The following NSUN3 variants were observed in gnomAD, a reference collection of about 807,000 sequenced individuals.
NSUN3 encodes NOP2/Sun RNA methyltransferase 3, also known as tRNA (cytosine(34)-C(5))-methyltransferase, mitochondrial.
A neutral mutation model predicts 36.8 loss-of-function variants in NSUN3; 24 were observed. The observed-to-expected ratio is 0.65, with a 90% CI of 0.47 to 0.92. NSUN3 has a LOEUF of 0.92. Among genes scored for constraint, NSUN3 ranks in the 40% least tolerant of loss-of-function variants. The pLI, the probability that NSUN3 is intolerant of heterozygous loss-of-function variation, is 0.00. For missense variants in NSUN3, 381 were observed against 392.8 expected (o/e 0.97, Z 0.25); for synonymous variants, 146 against 145.2 (o/e 1.01, Z -0.04).
At chr3:94,106,291 G>T (rs2107263979) in intron 5 of NSUN3, among the ~76,000 whole-genome samples, 1 of 152,242 alleles carries the variant, frequency 6.6e-6, no homozygotes, top group East Asian at 1.9e-4. Context: ...TCAGTGGAAA[G>T]AAGATAATTA....
chr3:94,114,225 C>T, intron 5 of NSUN3, among the ~76,000 whole-genome samples: 1 of 152,168 alleles, frequency 6.6e-6, no homozygotes, highest in South Asian at 2.1e-4. Context: ...TTTTAGCAGT[C>T]ATAGTATTTG....
chr3:94,082,959 C>T (rs2077276229), intron 2 of NSUN3, among the ~76,000 whole-genome samples: 1 of 152,164 alleles, frequency 6.6e-6, no homozygotes, highest in South Asian at 2.1e-4. Context: ...CACTCATTCC[C>T]TCTAACACCC....
intron 3 of NSUN3, among the ~76,000 whole-genome samples, 185 bp from the exon 4 acceptor site, chr3:94,093,955 A>C (rs547637014): frequency 6.6e-6 from 1 of 152,242 alleles, no homozygotes; most frequent in East Asian, 1.9e-4. Context: ...ATGTGCATCT[A>C]TATATACATA....
At chr3:94,066,684 A>G (rs763671191) in intron 2 of NSUN3, among the ~76,000 whole-genome samples, 1 of 152,102 alleles carries the variant, frequency 6.6e-6, no homozygotes, top group African/African-American at 2.4e-5. Context: ...GACTTTTATC[A>G]GTATGCTGTC....
At chr3:94,113,761 TATAC>T in intron 5 of NSUN3, among the ~76,000 whole-genome samples, 1 of 152,336 alleles carries the variant, frequency 6.6e-6, no homozygotes, top group Middle Eastern at 3.4e-3. Flanking sequence ...CTTTTAGAGT[TATAC>T]AAACAAAGTA....
intron 2 of NSUN3, among the ~76,000 whole-genome samples, chr3:94,074,428 A>G (rs1211845773): frequency 6.6e-6 from 1 of 152,158 alleles, no homozygotes; most frequent in Non-Finnish European, 1.5e-5. Context: ...GATTCTTCTT[A>G]TCCATGAGCA....
Position 94,130,700 on chromosome 3 carries a change from G to A in NSUN3, c.*4210G>A, listed in dbSNP as rs1394788834. 6.6e-6 allele frequency among the ~76,000 whole-genome samples: 1 copy of A among 152,128 alleles called. No homozygotes were observed. The highest frequency in any genetic ancestry group is 2.4e-5 in the African/African-American group (1 of 41,428). ...GGCCTCTGGGGCTTCCACACTCTGG[G>A]TGTCAGGGGTACAGCTCACAGGCTT... On this transcript the variant is annotated 3_prime_UTR_variant, in exon 6 of 6. Transcript: ENST00000314622.
At chr3:94,102,202 T>TAAAAAAAAAAAAAAAA (rs5850923) in intron 5 of NSUN3, among the ~76,000 whole-genome samples, 3 of 101,586 alleles carry the variant, frequency 3.0e-5, no homozygotes, top group African/African-American at 7.7e-5. Flanking sequence ...AAAGAAACGT[T>TAAAAAAAAAAAAAAAA]AAAAAAAAAA....
At chr3:94,076,517 G>T in intron 2 of NSUN3, 3 of 790,050 alleles carry the variant, frequency 3.8e-6, no homozygotes, top group Non-Finnish European at 7.0e-6. Context: ...TGTAAAGATG[G>T]TCTTTGCATC....
intron 5 of NSUN3, among the ~76,000 whole-genome samples, chr3:94,115,986 G>A (rs985074601): frequency 1.3e-5 from 2 of 152,126 alleles, no homozygotes; most frequent in African/African-American, 4.8e-5. Context: ...TTTTATAACT[G>A]TCAGTGTTTT....
chr3:94,089,748 C>T (rs1007298313), intron 3 of NSUN3, among the ~76,000 whole-genome samples: 1 of 152,188 alleles, frequency 6.6e-6, no homozygotes, highest in Non-Finnish European at 1.5e-5. Flanking sequence ...CTCCAGAGTA[C>T]TCGCTTGGGT....
At chr3:94,121,537 G>C (rs1357068192) in intron 5 of NSUN3, among the ~76,000 whole-genome samples, 1 of 152,100 alleles carries the variant, frequency 6.6e-6, no homozygotes, top group African/African-American at 2.4e-5. Context: ...CCTACCGCAG[G>C]ATATTTATTA....
chr3:94,076,395 T>G lies in NSUN3; in HGVS notation c.123-7712T>G, dbSNP rs571201479. ...TCAACTGAGTGGCTTGGTTTGGAAG[T>G]ATTGTTTGAACAAGTATCCCAAATC... On this transcript the variant is annotated intron_variant, in intron 2 of 5. Transcript: ENST00000314622. 7.5e-6 allele frequency: 6 copies of G among 804,516 alleles called. No homozygotes were observed. The African/African-American group carries it at 1.0e-4, about 13-fold the overall frequency. The allele number at this position is 804,516 out of a possible 1,614,324, so 49.8% of individuals were successfully genotyped here.
intron 5 of NSUN3, among the ~76,000 whole-genome samples, chr3:94,117,351 C>T (rs368343906): frequency 6.6e-5 from 10 of 152,082 alleles, no homozygotes; most frequent in Admixed American, 5.9e-4. Context: ...TTGGATTTCA[C>T]GACAGAGTAT....
rs2077499644 is a variant in NSUN3 at position 94,129,114 on chromosome 3, A to G, written c.*2624A>G. Among the ~76,000 whole-genome samples the G allele has an allele frequency of 6.6e-6, 1 of 152,188 alleles. No homozygotes were observed. The highest frequency in any genetic ancestry group is 1.5e-5 in the Non-Finnish European group (1 of 68,028). On this transcript the variant is annotated 3_prime_UTR_variant, in exon 6 of 6. Coordinates refer to ENST00000314622, the MANE Select transcript of NSUN3 (RefSeq NM_022072.5). ...TGGAGATTTCTCAAAGAACTTTATAACAGAATTGCCATTTGAGCTAGCAAT... is the reference window on the plus strand; with the variant it reads ...TGGAGATTTCTCAAAGAACTTTATAGCAGAATTGCCATTTGAGCTAGCAAT...
chr3:94,120,142 TG>T (rs1389492632), intron 5 of NSUN3, among the ~76,000 whole-genome samples: 1 of 152,252 alleles, frequency 6.6e-6, no homozygotes, highest in Non-Finnish European at 1.5e-5. Flanking sequence ...GCATTGGCTT[TG>T]CTAATTGTGG....
intron 5 of NSUN3, among the ~76,000 whole-genome samples, chr3:94,095,995 G>A (rs373561133): frequency 2.7e-5 from 4 of 148,174 alleles, no homozygotes; most frequent in East Asian, 2.0e-4. Context: ...TCCTGACCTC[G>A]TAATCTGCCC....
chr3:94,084,521 A>G, intron 3 of NSUN3, 71 bp downstream of exon 3: 1 of 1,178,852 alleles, frequency 8.5e-7, no homozygotes, highest in South Asian at 1.6e-5. Context: ...CTGAAAGTAT[A>G]TATGGGGAGA....
At chr3:94,114,911 G>C (rs2077433331) in intron 5 of NSUN3, among the ~76,000 whole-genome samples, 1 of 151,988 alleles carries the variant, frequency 6.6e-6, no homozygotes, top group South Asian at 2.1e-4. Flanking sequence ...ATGGTTTCCA[G>C]CTGCATCCAT....
Sources: allele counts gnomAD v4.1 joint callset (sites outside exome capture counted in the v4.1 genomes callset), GRCh38; gene constraint gnomAD v4.1.1; transcripts MANE v1.5; gene names NCBI Gene and HGNC (gene_info 2026-07-23, HGNC 2026-07-21).